USH2A: variants seen among roughly 807,000 people sequenced by gnomAD.
USH2A encodes Usher syndrome 2A (autosomal recessive, mild).
In USH2A, 443 loss-of-function variants were observed where a neutral mutation model predicts 538.9. That is an observed-to-expected ratio of 0.82 (90% CI 0.76 to 0.89). The LOEUF is 0.89. USH2A is among the 40% of genes least tolerant of loss of function. USH2A has a pLI of 0.00. For missense variants in USH2A, 6,633 were observed against 6,324.8 expected (o/e 1.05, Z -1.65); for synonymous variants, 2,413 against 2,273.5 (o/e 1.06, Z -1.75).
intron 38 of USH2A, among the ~76,000 whole-genome samples, chr1:215,910,629 G>T (rs1395590220): frequency 2.6e-5 from 4 of 151,866 alleles, no homozygotes; most frequent in Non-Finnish European, 4.4e-5. Flanking sequence ...TCTATCACAT[G>T]ATCCTGTCAT....
chr1:215,817,842 A>G lies in USH2A; in HGVS notation c.9372-647T>C, dbSNP rs781140072. The stretch of plus-strand genomic sequence containing the variant: ...TATCCACAGCGGACTCTTGAACAAA[A>G]TAAATTTGAACTGTGCAGATCCACT... On this transcript the variant is annotated intron_variant, in intron 47 of 71. Transcript: ENST00000307340. 2.0e-4 allele frequency among the ~76,000 whole-genome samples: 30 copies of G among 152,004 alleles called. 1 individual carries two copies. Among genetic ancestry groups the G allele is most frequent in the Admixed American group, 8.5e-4 (13 of 15,222 alleles).
At chr1:215,833,950 A>G (rs1294911548) in intron 47 of USH2A, among the ~76,000 whole-genome samples, 1 of 152,148 alleles carries the variant, frequency 6.6e-6, no homozygotes, top group Non-Finnish European at 1.5e-5. Flanking sequence ...GCAATTGCAA[A>G]GCTTATCAGT....
intron 60 of USH2A, among the ~76,000 whole-genome samples, chr1:215,740,652 T>G (rs73088866): frequency 0.06 from 9,071 of 152,266 alleles, 514 homozygotes; most frequent in African/African-American, 0.14. Flanking sequence ...ATTAGAATTC[T>G]TGTCTTGTAT....
At chr1:215,692,694 T>G (rs985568954) in intron 61 of USH2A, among the ~76,000 whole-genome samples, 2 of 152,156 alleles carry the variant, frequency 1.3e-5, no homozygotes, top group Admixed American at 6.5e-5. Context: ...AAGTGGTATG[T>G]AAACTACCAG....
rs779985462 is a variant in USH2A at position 215,878,764 on chromosome 1, C to T, written c.8558G>A (p.Arg2853Lys). ...AAAAATCATAGTCACCTTCTCTTAC[C>T]TCAAATTAGGTCCATTTGGCTTGGA... ...PPSKPNGPNLRYELLRRKIQQ... is the reference protein window; with the variant it reads ...PPSKPNGPNLKYELLRRKIQQ... The change falls in exon 42 of 72, where the codon AGA becomes AAA. Residue 2853 changes from arginine (R) to lysine (K), a missense_variant and splice_region_variant. Coordinates refer to ENST00000307340, the MANE Select transcript of USH2A (RefSeq NM_206933.4). 2 of 1,613,784 alleles carry T rather than the reference C, an allele frequency of 1.2e-6. No individual in the cohort carries two copies. The highest frequency in any genetic ancestry group is 1.7e-6 in the Non-Finnish European group (2 of 1,179,846).
intron 21 of USH2A, chr1:216,174,136 C>T (rs1045221105): frequency 1.0e-6 from 1 of 985,034 alleles, no homozygotes; most frequent in Non-Finnish European, 1.2e-6. Flanking sequence ...CAATGAAAAG[C>T]AAACTATTTA....
chr1:216,377,024 C>T (rs1408689359), intron 3 of USH2A, among the ~76,000 whole-genome samples: 7 of 152,178 alleles, frequency 4.6e-5, no homozygotes, highest in South Asian at 4.2e-4. Flanking sequence ...AGTACCTATG[C>T]TTCAGCCATT....
intron 3 of USH2A, among the ~76,000 whole-genome samples, chr1:216,398,649 C>T (rs1300938098): frequency 1.3e-5 from 2 of 152,120 alleles, no homozygotes; most frequent in Non-Finnish European, 2.9e-5. Flanking sequence ...ACCCCACCCT[C>T]TCACCCAACA....
chr1:216,208,496 G>A (rs2035169106), intron 15 of USH2A, among the ~76,000 whole-genome samples: 1 of 152,066 alleles, frequency 6.6e-6, no homozygotes, highest in South Asian at 2.1e-4. Flanking sequence ...CTCAGTAAAA[G>A]AAAGCACACT....
chr1:216,369,418 C>T (rs1040007), intron 3 of USH2A, among the ~76,000 whole-genome samples: 3 of 152,068 alleles, frequency 2.0e-5, no homozygotes, highest in Non-Finnish European at 4.4e-5. Flanking sequence ...CACCAACAGC[C>T]GACCTCCAAT....
At chr1:215,739,492 C>A (rs1266107983) in intron 60 of USH2A, among the ~76,000 whole-genome samples, 1 of 152,294 alleles carries the variant, frequency 6.6e-6, no homozygotes, top group Admixed American at 6.5e-5. Context: ...TACTCTATTT[C>A]CCTTTATTCT....
intron 21 of USH2A, among the ~76,000 whole-genome samples, chr1:216,172,781 C>T (rs1249567550): frequency 6.6e-6 from 1 of 152,076 alleles, no homozygotes; most frequent in Non-Finnish European, 1.5e-5. Flanking sequence ...AACTGAAAGA[C>T]AAATCCAAAA....
At chr1:216,247,341 T>G (rs2036072723) in intron 12 of USH2A, 115 bp from the exon 13 acceptor site, 1 of 1,307,476 alleles carries the variant, frequency 7.6e-7, no homozygotes, top group East Asian at 2.5e-5. Context: ...GAGTGTTTTC[T>G]CACAAGCAAT....
intron 21 of USH2A, among the ~76,000 whole-genome samples, chr1:216,122,580 T>C (rs1161013517): frequency 6.6e-6 from 1 of 152,116 alleles, no homozygotes; most frequent in African/African-American, 2.4e-5. Context: ...AGAGAGTCAA[T>C]CACCAGAACC....
chr1:216,100,920 A>C (rs937317284), intron 21 of USH2A, among the ~76,000 whole-genome samples: 8 of 152,232 alleles, frequency 5.3e-5, no homozygotes, highest in Non-Finnish European at 1.0e-4. Flanking sequence ...CTGCTAGTGC[A>C]ACTAAAATAT....
chr1:216,391,297 T>A (rs2039102849), intron 3 of USH2A, among the ~76,000 whole-genome samples: 1 of 152,194 alleles, frequency 6.6e-6, no homozygotes, highest in Non-Finnish European at 1.5e-5. Flanking sequence ...TAAATATAGA[T>A]GCAACTATCA....
Position 215,743,230 on chromosome 1 carries a change from T to C in USH2A, c.11495A>G (p.Glu3832Gly). The change falls in exon 59 of 72, where the codon GAA (glutamate) becomes GGA (glycine). Residue 3832 changes from glutamate to glycine, a missense_variant. Physicochemically the swap from Glu to Gly is moderately conservative, Grantham distance 98 (BLOSUM62 -2). Coordinates refer to ENST00000307340, the MANE Select transcript of USH2A (RefSeq NM_206933.4). ...ATACTGTGTGAATGGAGTCAAATTTTCCAGAAGGGTGGATTGATGATGACC... is the reference window on the plus strand; with the variant it reads ...ATACTGTGTGAATGGAGTCAAATTTCCCAGAAGGGTGGATTGATGATGACC... ...SVGHHQSTLL[E>G]NLTPFTQYEI... 1 of 1,612,798 alleles carries C rather than the reference T, an allele frequency of 6.2e-7. No individual in the cohort carries two copies. Among genetic ancestry groups the C allele is most frequent in the Non-Finnish European group, 8.5e-7 (1 of 1,179,580 alleles).
At chr1:215,975,763 T>C (rs1667605084) in intron 35 of USH2A, among the ~76,000 whole-genome samples, 1 of 152,218 alleles carries the variant, frequency 6.6e-6, no homozygotes, top group African/African-American at 2.4e-5. Context: ...CCTCCAGCTT[T>C]GTTCTTTTTG....
intron 11 of USH2A, among the ~76,000 whole-genome samples, chr1:216,252,373 T>C (rs2036179303): frequency 6.6e-6 from 1 of 152,214 alleles, no homozygotes; most frequent in Non-Finnish European, 1.5e-5. Context: ...CTCTTCACAT[T>C]TGGAGGCAGA....
Sources: gnomAD v4.1 joint callset for allele counts (sites outside exome capture counted in the v4.1 genomes callset) on GRCh38, gnomAD v4.1.1 for gene constraint, MANE v1.5 for transcripts, NCBI Gene and HGNC (gene_info 2026-07-23, HGNC 2026-07-21) for gene names.